Variants in MELK observed in about 807,000 individuals in gnomAD.
MELK encodes maternal embryonic leucine zipper kinase.
A neutral mutation model predicts 85.0 loss-of-function variants in MELK; 81 were observed. That is an observed-to-expected ratio of 0.95 (90% CI 0.80 to 1.15). The LOEUF (loss-of-function observed/expected upper bound fraction) is 1.15, where lower values mean the gene tolerates loss of function less well. Ranked by LOEUF, MELK falls within the 50% of genes most tolerant of loss-of-function variation. MELK has a pLI of 0.00. For synonymous variants in MELK, 252 were observed against 265.0 expected (o/e 0.95, Z 0.48); for missense variants, 754 against 777.5 (o/e 0.97, Z 0.36).
intron 7 of MELK, among the ~76,000 whole-genome samples, chr9:36,603,034 T>C (rs140210724): frequency 1.5e-3 from 228 of 152,302 alleles, no homozygotes; most frequent in African/African-American, 5.3e-3. Flanking sequence ...GAAGGAGTGA[T>C]AATCGTATGC....
intron 3 of MELK, among the ~76,000 whole-genome samples, chr9:36,586,190 A>C (rs1222007258): frequency 6.6e-6 from 1 of 151,966 alleles, no homozygotes; most frequent in Non-Finnish European, 1.5e-5. Flanking sequence ...AAAATACAAA[A>C]AATTTCGCTG....
At chr9:36,597,158 C>A in intron 5 of MELK, 64 bp from the exon 6 acceptor site, 1 of 1,387,846 alleles carries the variant, frequency 7.2e-7, no homozygotes, top group Non-Finnish European at 1.0e-6. Flanking sequence ...TTAGAAATGG[C>A]TAGAGGTGGG....
rs1208026089 is a variant in MELK at position 36,596,557 on chromosome 9, CTTTTTGTTT to C, written c.406-632_406-624del. The stretch of plus-strand genomic sequence containing the variant: ...CAGGCGTGAGCCACTGCGCCCGGCC[CTTTTTGTTT>C]TTTTTGTTTTTTTTGTTTTTTTTGT... On this transcript the variant is annotated intron_variant, in intron 5 of 17. Transcript: ENST00000298048. 9.1e-3 allele frequency among the ~76,000 whole-genome samples: 1,297 copies of C among 142,836 alleles called. 19 individuals are homozygous for C. Among genetic ancestry groups the C allele is most frequent in the South Asian group, 0.016 (70 of 4,420 alleles). 93.7% of individuals were successfully genotyped at this position (142,836 alleles called of 152,430 possible). A position where few individuals can be genotyped will look rare whatever the true frequency, so the allele number is the denominator to read the frequency against.
At chr9:36,626,207 T>G (rs1202187705) in intron 8 of MELK, among the ~76,000 whole-genome samples, 1 of 151,986 alleles carries the variant, frequency 6.6e-6, no homozygotes, top group Non-Finnish European at 1.5e-5. Context: ...TTGCCTAGGC[T>G]TTTCCAGGGC....
chr9:36,671,102 T>G lies in MELK; in HGVS notation c.1610T>G (p.Val537Gly), dbSNP rs1832845645. ...FGSLERGLDKVITVLTRSKRK... is the reference protein window; with the variant it reads ...FGSLERGLDKGITVLTRSKRK... ...AGCCTTGAAAGGGGGTTGGATAAGG[T>G]TATCACTGTGCTCACCAGGAGCAAA... Residue 537 changes from valine (V) to glycine (G), a missense_variant, in exon 16 of 18, where the codon GTT becomes GGT. Val to Gly is a moderately radical substitution (Grantham distance 109). Coordinates refer to ENST00000298048, the MANE Select transcript of MELK (RefSeq NM_014791.4). 6.2e-7 allele frequency: 1 copy of G among 1,612,556 alleles called. No homozygotes were observed. The highest frequency in any genetic ancestry group is 8.5e-7 in the Non-Finnish European group (1 of 1,179,382).
At chr9:36,673,853 GTTT>G (rs976366726) in intron 16 of MELK, among the ~76,000 whole-genome samples, 2 of 152,068 alleles carry the variant, frequency 1.3e-5, no homozygotes, top group Non-Finnish European at 2.9e-5. Flanking sequence ...TATCATTAGG[GTTT>G]TTTTGTTGTT....
chr9:36,624,886 C>T (rs1341234416), intron 8 of MELK, among the ~76,000 whole-genome samples: 1 of 151,926 alleles, frequency 6.6e-6, no homozygotes, highest in Non-Finnish European at 1.5e-5. Flanking sequence ...TTGGAGCAGA[C>T]CAGAAAGGGC....
intron 10 of MELK, among the ~76,000 whole-genome samples, chr9:36,641,965 G>A (rs1383301390): frequency 6.6e-6 from 1 of 152,068 alleles, no homozygotes; most frequent in African/African-American, 2.4e-5. Context: ...TTCTCTTCCT[G>A]TGTAATCTTC....
At chr9:36,595,725 C>T (rs10972986) in intron 5 of MELK, among the ~76,000 whole-genome samples, 21,775 of 151,772 alleles carry the variant, frequency 0.14, 1,869 homozygotes, top group African/African-American at 0.23. Flanking sequence ...CCCACCTCAG[C>T]CTCCCAAGTA....
chr9:36,636,230 A>G (rs10814421), intron 10 of MELK, among the ~76,000 whole-genome samples: 137,275 of 152,038 alleles, frequency 0.9, 62,017 homozygotes, highest in East Asian at 0.92. Context: ...TTGGCTGGGC[A>G]CGGTGGCTCA....
At chr9:36,631,740 A>G (rs780879893) in intron 9 of MELK, among the ~76,000 whole-genome samples, 12 of 151,706 alleles carry the variant, frequency 7.9e-5, no homozygotes, top group Non-Finnish European at 1.2e-4. Flanking sequence ...ACACCTGACT[A>G]ATTTTTTGTG....
chr9:36,630,136 C>T (rs548436339), intron 8 of MELK, 163 bp from the exon 9 acceptor site: 18 of 640,574 alleles, frequency 2.8e-5, no homozygotes, highest in Non-Finnish European at 4.1e-5. Context: ...TGAGCCACCA[C>T]GCCCAGCCAA....
intron 8 of MELK, among the ~76,000 whole-genome samples, chr9:36,626,114 G>A (rs1327740050): frequency 6.6e-6 from 1 of 152,080 alleles, no homozygotes; most frequent in African/African-American, 2.4e-5. Flanking sequence ...CACTGACTGA[G>A]TGGCTAGGTT....
At chr9:36,654,877 G>C (rs1432905210) in intron 12 of MELK, among the ~76,000 whole-genome samples, 1 of 152,054 alleles carries the variant, frequency 6.6e-6, no homozygotes, top group Non-Finnish European at 1.5e-5. Context: ...TCAAATTTTG[G>C]GTTCGCTTCT....
intron 6 of MELK, among the ~76,000 whole-genome samples, chr9:36,598,208 G>A (rs1319007414): frequency 8.1e-6 from 1 of 123,746 alleles, no homozygotes; most frequent in East Asian, 2.3e-4. Context: ...TTTTTTGATT[G>A]ACAAACATAT....
chr9:36,579,411 C>A (rs1036131404), intron 1 of MELK, among the ~76,000 whole-genome samples: 1 of 152,228 alleles, frequency 6.6e-6, no homozygotes, highest in Admixed American at 6.5e-5. Flanking sequence ...ATCCGCCCAC[C>A]CTGGCCTCCC....
chr9:36,583,748 T>C (rs771358613), intron 3 of MELK, 36 bp downstream of exon 3: 80 of 1,444,898 alleles, frequency 5.5e-5, no homozygotes, highest in Admixed American at 2.1e-4. Flanking sequence ...AGTCCACTTA[T>C]AGATCAGTTT....
intron 1 of MELK, 137 bp from the exon 2 acceptor site, chr9:36,581,507 T>G (rs974635357): frequency 5.7e-5 from 29 of 506,948 alleles, no homozygotes; most frequent in African/African-American, 5.5e-4. Context: ...ATAAGAATCC[T>G]TTTTTTCATA....
chr9:36,599,201 T>G (rs1454872662), intron 6 of MELK, among the ~76,000 whole-genome samples, 193 bp from the exon 7 acceptor site: 2 of 149,206 alleles, frequency 1.3e-5, no homozygotes, highest in African/African-American at 5.0e-5. Context: ...CTCTGGAGGC[T>G]GAGGCAGGAG....
Sources: allele counts gnomAD v4.1 joint callset (sites outside exome capture counted in the v4.1 genomes callset), GRCh38; gene constraint gnomAD v4.1.1; transcripts MANE v1.5; gene names NCBI Gene and HGNC (gene_info 2026-07-23, HGNC 2026-07-21).